Variants in GTF2I observed in about 807,000 individuals in gnomAD.
GTF2I encodes the protein general transcription factor IIi.
Under a neutral mutation model 67.6 loss-of-function variants are expected in GTF2I, and 12 were observed. That is an observed-to-expected ratio of 0.18 (90% CI 0.11 to 0.29). GTF2I has a LOEUF of 0.29. Ranked by LOEUF, GTF2I falls within the 10% of genes least tolerant of loss-of-function variation. The pLI is 1.00. For missense variants in GTF2I, 271 were observed against 580.1 expected, an observed-to-expected ratio of 0.47 and a Z score of 5.47; for synonymous variants, 149 against 197.0, an observed-to-expected ratio of 0.76 and a Z score of 2.04.
intron 12 of GTF2I, chr7:74,726,962 G>T (rs587721025): frequency 4.7e-4 from 72 of 151,830 alleles, no homozygotes; most frequent in African/African-American, 1.6e-3. Context: ...AGACCCTGCC[G>T]ATAGATAGAT....
chr7:74,679,452 A>G (rs190594458), intron 1 of GTF2I, among the ~76,000 whole-genome samples: 3 of 152,146 alleles, frequency 2.0e-5, no homozygotes, highest in Non-Finnish European at 4.4e-5. Flanking sequence ...TTCAGTGTCC[A>G]CTATCATCTT....
At chr7:74,700,468 AT>A in intron 5 of GTF2I, 38 bp downstream of exon 5, 2 of 1,608,792 alleles carry the variant, frequency 1.2e-6, no homozygotes, top group South Asian at 1.1e-5. Context: ...TCAACAGTTG[AT>A]TCGTATAAAT....
At chr7:74,678,423 A>C (rs1786891684) in intron 1 of GTF2I, among the ~76,000 whole-genome samples, 2 of 152,182 alleles carry the variant, frequency 1.3e-5, no homozygotes, top group African/African-American at 4.8e-5. Flanking sequence ...GAGTTAAGAA[A>C]GATACTGATT....
intron 1 of GTF2I, among the ~76,000 whole-genome samples, chr7:74,669,107 T>A (rs1261509435): frequency 6.6e-6 from 1 of 151,996 alleles, no homozygotes; most frequent in Non-Finnish European, 1.5e-5. Flanking sequence ...GGGCTCATCC[T>A]ATGAGGCCTC....
intron 1 of GTF2I, among the ~76,000 whole-genome samples, chr7:74,670,031 G>A (rs1805317926): frequency 6.6e-6 from 1 of 152,128 alleles, no homozygotes; most frequent in African/African-American, 2.4e-5. Flanking sequence ...AATGCAGTTT[G>A]TTGGGAAATA....
intron 14 of GTF2I, among the ~76,000 whole-genome samples, chr7:74,731,556 T>G (rs1274263093): frequency 1.5e-4 from 22 of 151,102 alleles, no homozygotes; most frequent in South Asian, 2.1e-4. Context: ...GTTGTTGTTT[T>G]TTTTTTTTTT....
chr7:74,704,933 A>G (rs988201812), intron 6 of GTF2I, among the ~76,000 whole-genome samples: 6 of 147,998 alleles, frequency 4.1e-5, no homozygotes, highest in Non-Finnish European at 8.9e-5. Flanking sequence ...TCCATATTCC[A>G]TCTTACTAGA....
At chr7:74,695,394 T>A (rs1432603055) in intron 3 of GTF2I, among the ~76,000 whole-genome samples, 2 of 152,216 alleles carry the variant, frequency 1.3e-5, no homozygotes, top group Non-Finnish European at 2.9e-5. Context: ...AGAGTCAATG[T>A]AACTTTTATA....
At chr7:74,703,305 C>A (rs1554400377) in intron 6 of GTF2I, among the ~76,000 whole-genome samples, 1 of 151,966 alleles carries the variant, frequency 6.6e-6, no homozygotes, top group African/African-American at 2.4e-5. Flanking sequence ...AACTTGTCTT[C>A]TTCCCTTACT....
intron 14 of GTF2I, among the ~76,000 whole-genome samples, chr7:74,731,128 T>C (rs1190558364): frequency 9.2e-5 from 14 of 152,076 alleles, no homozygotes; most frequent in Non-Finnish European, 1.6e-4. Flanking sequence ...AATTTGTTAT[T>C]ATCATTTTTA....
At chr7:74,725,915 G>A (rs868939522) in intron 12 of GTF2I, among the ~76,000 whole-genome samples, 6 of 148,264 alleles carry the variant, frequency 4.0e-5, no homozygotes, top group Middle Eastern at 7.0e-3. Context: ...TAAATCTATT[G>A]TGGTCTAAAA....
At chr7:74,750,593 C>CTTTTTTTT (rs782022584) in intron 26 of GTF2I, among the ~76,000 whole-genome samples, 1 of 68,996 alleles carries the variant, frequency 1.4e-5, no homozygotes, top group African/African-American at 6.3e-5. Context: ...AAGCTGGCCA[C>CTTTTTTTT]TTTTTTTTTT....
intron 9 of GTF2I, among the ~76,000 whole-genome samples, chr7:74,714,356 A>G (rs1233623839): frequency 1.3e-5 from 2 of 152,144 alleles, no homozygotes; most frequent in Non-Finnish European, 1.5e-5. Flanking sequence ...TTTCTATTTC[A>G]GTAGAGATTC....
intron 6 of GTF2I, among the ~76,000 whole-genome samples, chr7:74,703,614 A>G (rs1161572350): frequency 6.6e-6 from 1 of 152,218 alleles, no homozygotes; most frequent in Middle Eastern, 3.2e-3. Flanking sequence ...TCCAGACCTC[A>G]GGTGATCCAC....
intron 12 of GTF2I, among the ~76,000 whole-genome samples, chr7:74,720,680 C>G (rs1554404428): frequency 6.6e-6 from 1 of 150,810 alleles, no homozygotes; most frequent in Non-Finnish European, 1.5e-5. Context: ...AAAAATAAAG[C>G]TTTTAGGGTA....
At chr7:74,684,257 C>T (rs782512449) in intron 1 of GTF2I, among the ~76,000 whole-genome samples, 2 of 152,180 alleles carry the variant, frequency 1.3e-5, no homozygotes, top group African/African-American at 4.8e-5. Flanking sequence ...TTTTTCCAAC[C>T]CTTCTTATTT....
chr7:74,695,075 C>T (rs1788755378), intron 3 of GTF2I, among the ~76,000 whole-genome samples: 1 of 152,234 alleles, frequency 6.6e-6, no homozygotes, highest in Non-Finnish European at 1.5e-5. Context: ...CTCACAGTCA[C>T]TCACAGAGTC....
intron 3 of GTF2I, among the ~76,000 whole-genome samples, chr7:74,692,131 T>C (rs1262130445): frequency 6.7e-6 from 1 of 149,882 alleles, no homozygotes; most frequent in Admixed American, 6.7e-5. Flanking sequence ...TGGAGTGCAG[T>C]GGCGCGATCT....
intron 12 of GTF2I, among the ~76,000 whole-genome samples, chr7:74,728,416 TC>T (rs1484252376): frequency 8.7e-5 from 13 of 149,472 alleles, no homozygotes; most frequent in African/African-American, 3.2e-4. Context: ...CTGTACTCTA[TC>T]CCCTTTTATA....
Sources: allele counts gnomAD v4.1 joint callset (sites outside exome capture counted in the v4.1 genomes callset), GRCh38; gene constraint gnomAD v4.1.1; transcripts MANE v1.5; gene names NCBI Gene and HGNC (gene_info 2026-07-23, HGNC 2026-07-21).